Variants in TCHP observed in about 807,000 individuals in gnomAD.
TCHP encodes trichoplein keratin filament-binding protein.
TCHP carries 81 observed loss-of-function variants against 88.7 expected under a neutral mutation model. That is an observed-to-expected ratio of 0.91 (90% confidence interval 0.76 to 1.10). TCHP has a LOEUF of 1.10. Among genes scored for constraint, TCHP ranks in the 50% least tolerant of loss-of-function variants. TCHP has a pLI of 0.00. For missense variants in TCHP, 641 were observed against 632.1 expected (o/e 1.01, Z -0.15); for synonymous variants, 232 against 232.5 (o/e 1.00, Z 0.02).
intron 8 of TCHP, among the ~76,000 whole-genome samples, chr12:109,909,779 A>G (rs12316276): frequency 4.8e-4 from 73 of 152,322 alleles, no homozygotes; most frequent in African/African-American, 1.8e-3. Flanking sequence ...AGCCTGGCCA[A>G]TGTGGTATAA....
Position 109,914,543 on chromosome 12 carries a change from TGAG to T in TCHP, c.1241_1243del (p.Glu414del), listed in dbSNP as rs1172279679. The T allele has an allele frequency of 3.7e-6, 6 of 1,613,996 alleles. No individual in the cohort carries two copies. The highest frequency in any genetic ancestry group is 1.7e-4 in the Middle Eastern group (1 of 5,980). On this transcript the variant is annotated inframe_deletion, in exon 11 of 13. Transcript: ENST00000405876. ...ACAGGGAGCAACTTATTCGAAATCT[TGAG>T]GAGGTGAGAGAGTTGGCTCGTCGCG...
At chr12:109,883,310 A>G in the TCHP span, among the ~76,000 whole-genome samples, 1 of 151,472 alleles carries the variant, frequency 6.6e-6, no homozygotes, top group Non-Finnish European at 1.5e-5. Context: ...TGCTAGGATT[A>G]TAGGTGTGAA....
chr12:109,892,047 C>T, the TCHP span, among the ~76,000 whole-genome samples: 1 of 151,900 alleles, frequency 6.6e-6, no homozygotes, highest in Admixed American at 6.6e-5. Flanking sequence ...ATTAGCTGGG[C>T]GTGGTGGCGC....
At chr12:109,896,009 T>G (rs916382876), upstream of TCHP, among the ~76,000 whole-genome samples, 2 of 152,058 alleles carry the variant, frequency 1.3e-5, no homozygotes, top group Admixed American at 1.3e-4. Flanking sequence ...TGCAGTGGCA[T>G]GATTTCGGCT....
the TCHP span, among the ~76,000 whole-genome samples, chr12:109,888,763 T>G: frequency 6.6e-6 from 1 of 152,346 alleles, no homozygotes; most frequent in Non-Finnish European, 1.5e-5. Flanking sequence ...CTTGAGCAAG[T>G]CACTTCCTGT....
Position 109,903,451 on chromosome 12 carries a change from C to T in TCHP, c.188+237C>T, listed in dbSNP as rs1398537605. ...GAATTTGGAAGCCTGGTTGTAACCC[C>T]ATATCCCCAGAGACAGCCACAGTTA... On this transcript the variant is annotated intron_variant, in intron 2 of 12. Coordinates refer to ENST00000405876, the MANE Select transcript of TCHP (RefSeq NM_001143852.2). The surrounding 1 kb of genome is among the most constrained non-coding windows in gnomAD (Gnocchi z 4.6). Among the ~76,000 whole-genome samples the T allele has an allele frequency of 6.6e-6, 1 of 152,202 alleles. No individual in the cohort carries two copies. Among genetic ancestry groups the T allele is most frequent in the Non-Finnish European group, 1.5e-5 (1 of 68,042 alleles).
At position 109,908,952 on chromosome 12, in the gene TCHP, A is replaced by G. The variant is rs1253184336; in HGVS notation, c.879+15A>G. The G allele has an allele frequency of 1.9e-6, 3 of 1,613,760 alleles. No homozygotes were observed. The highest frequency in any genetic ancestry group is 2.5e-6 in the Non-Finnish European group (3 of 1,179,674). On this transcript the variant is annotated intron_variant, in intron 8 of 12. Coordinates refer to ENST00000405876, the MANE Select transcript of TCHP (RefSeq NM_001143852.2). ...AAGAGGAGCTGGTAAGTCTGAAGAG[A>G]CAGCCTGACATCTTTCTTAGCCTCT...
the TCHP span, among the ~76,000 whole-genome samples, chr12:109,887,002 C>T: frequency 3.3e-5 from 5 of 152,274 alleles, no homozygotes; most frequent in South Asian, 6.2e-4. Context: ...CCACTGCGCC[C>T]GGCCTAGATG....
the TCHP span, among the ~76,000 whole-genome samples, chr12:109,885,292 T>C: frequency 6.6e-6 from 1 of 152,182 alleles, no homozygotes. Context: ...CTTTGTAGAA[T>C]ATCCCTCATT....
intron 1 of TCHP, among the ~76,000 whole-genome samples, chr12:109,902,760 C>T (rs377579291): frequency 1.5e-4 from 23 of 152,332 alleles, no homozygotes; most frequent in East Asian, 5.8e-4. Flanking sequence ...AGGCGTGAGC[C>T]ACGGCAAATT....
At chr12:109,894,236 A>G in the TCHP span, among the ~76,000 whole-genome samples, 1 of 151,506 alleles carries the variant, frequency 6.6e-6, no homozygotes, top group Non-Finnish European at 1.5e-5. Flanking sequence ...AGGCGGGCGG[A>G]TCACGAGATC....
chr12:109,915,368 T>C (rs1870750733), intron 11 of TCHP, 35 bp from the exon 12 acceptor site: 1 of 1,613,788 alleles, frequency 6.2e-7, no homozygotes, highest in African/African-American at 1.3e-5. Context: ...CTGTGGGCCT[T>C]GTCTTGGGGT....
chr12:109,914,713 C>T (rs573448609), intron 11 of TCHP, 86 bp downstream of exon 11: 2 of 1,191,232 alleles, frequency 1.7e-6, no homozygotes, highest in Admixed American at 2.4e-5. Flanking sequence ...CGCTGGACTG[C>T]CTGGCAGGGC....
At position 109,906,531 on chromosome 12, in the gene TCHP, G is replaced by T; in HGVS notation, c.457-41G>T. On this transcript the variant is annotated intron_variant, in intron 4 of 12. Coordinates refer to ENST00000405876, the MANE Select transcript of TCHP (RefSeq NM_001143852.2). ...CACACTGTCCCCACAGTGCCCATCT[G>T]TCTGGTGAGGAAATTCACATCGTCC... 2 of 1,601,708 alleles carry T rather than the reference G, an allele frequency of 1.2e-6. 1 individual carries two copies. The highest frequency in any genetic ancestry group is 2.2e-5 in the South Asian group (2 of 90,660).
chr12:109,904,715 C>G (rs1870023402), intron 3 of TCHP, 22 bp from the exon 4 acceptor site: 1 of 1,607,212 alleles, frequency 6.2e-7, no homozygotes, highest in African/African-American at 1.3e-5. Flanking sequence ...ATCAGGCTTT[C>G]CATTTTGTGT....
At chr12:109,902,097 A>G (rs1460341635) in intron 1 of TCHP, among the ~76,000 whole-genome samples, 1 of 152,210 alleles carries the variant, frequency 6.6e-6, no homozygotes, top group Non-Finnish European at 1.5e-5. Context: ...TAGCAATCTT[A>G]GGACAATCCC....
At chr12:109,893,723 G>A in the TCHP span, among the ~76,000 whole-genome samples, 8 of 152,164 alleles carry the variant, frequency 5.3e-5, no homozygotes, top group African/African-American at 1.4e-4. Context: ...TGTGTTGGTC[G>A]AGTGAAACAC....
chr12:109,911,274 C>CAG, intron 9 of TCHP, 39 bp downstream of exon 9: 1 of 1,208,498 alleles, frequency 8.3e-7, no homozygotes. Flanking sequence ...TGCTCCTGGC[C>CAG]TCAACTCTGA....
the TCHP span, among the ~76,000 whole-genome samples, chr12:109,890,706 C>T: frequency 1.3e-5 from 2 of 152,132 alleles, no homozygotes; most frequent in African/African-American, 2.4e-5. Context: ...GACCGGCTTT[C>T]ACCACGTTGG....
Sources: allele counts gnomAD v4.1 joint callset (sites outside exome capture counted in the v4.1 genomes callset), GRCh38; gene constraint gnomAD v4.1.1; non-coding constraint Gnocchi (gnomAD v3.1); transcripts MANE v1.5; gene names NCBI Gene and HGNC (gene_info 2026-07-23, HGNC 2026-07-21).